The following CSNK2A2IP variants were observed in gnomAD, a reference collection of about 807,000 sequenced individuals.
CSNK2A2IP encodes the protein casein kinase 2 subunit alpha' interacting protein.
At chr3:88,387,931 T>C in the CSNK2A2IP span, among the ~76,000 whole-genome samples, 1 of 152,074 alleles carries the variant, frequency 6.6e-6, no homozygotes, top group Admixed American at 6.6e-5. Context: ...CTTGCTGTGT[T>C]GCCCAGGTTG....
chr3:88,424,445 C>G, the CSNK2A2IP span, among the ~76,000 whole-genome samples: 20,133 of 152,024 alleles, frequency 0.13, 1,770 homozygotes, highest in East Asian at 0.17. Flanking sequence ...GAGGGCAACT[C>G]AAAAGAGATA....
the CSNK2A2IP span, among the ~76,000 whole-genome samples, chr3:88,379,084 T>G: frequency 2.0e-4 from 30 of 152,188 alleles, no homozygotes; most frequent in Non-Finnish European, 3.7e-4. Flanking sequence ...TCTTTTTTTT[T>G]GTTAATGATC....
At chr3:88,345,724 C>G in the CSNK2A2IP span, among the ~76,000 whole-genome samples, 1 of 151,852 alleles carries the variant, frequency 6.6e-6, no homozygotes, top group African/African-American at 2.4e-5. Flanking sequence ...ATTCCCCCGT[C>G]TCTCTTTCTT....
the CSNK2A2IP span, among the ~76,000 whole-genome samples, chr3:88,423,409 T>TGAAG: frequency 1.3e-5 from 2 of 152,076 alleles, no homozygotes; most frequent in African/African-American, 4.8e-5. Context: ...GAAGTTGTGA[T>TGAAG]GAAGGAAGTG....
At chr3:88,362,790 C>A in the CSNK2A2IP span, among the ~76,000 whole-genome samples, 2 of 152,198 alleles carry the variant, frequency 1.3e-5, no homozygotes, top group Middle Eastern at 3.2e-3. Context: ...CTTCAGGAAT[C>A]TACCTAGTGC....
chr3:88,350,104 C>T, the CSNK2A2IP span, among the ~76,000 whole-genome samples: 3 of 152,012 alleles, frequency 2.0e-5, no homozygotes, highest in Non-Finnish European at 4.4e-5. Flanking sequence ...CTAAACACAG[C>T]CTTTTCTAGG....
chr3:88,354,748 C>T, the CSNK2A2IP span, among the ~76,000 whole-genome samples: 1 of 152,046 alleles, frequency 6.6e-6, no homozygotes, highest in African/African-American at 2.4e-5. Flanking sequence ...AGAAAAGAAA[C>T]CCCATGAGAT....
chr3:88,348,603 G>C, the CSNK2A2IP span, among the ~76,000 whole-genome samples: 1 of 152,042 alleles, frequency 6.6e-6, no homozygotes, highest in Admixed American at 6.6e-5. Context: ...AGAGTAGTGA[G>C]AACATTCAGC....
the CSNK2A2IP span, among the ~76,000 whole-genome samples, chr3:88,442,528 T>C: frequency 2.6e-5 from 4 of 152,282 alleles, no homozygotes; most frequent in African/African-American, 9.6e-5. Context: ...AGTTGTTTTA[T>C]AATAATAAGA....
chr3:88,387,281 C>T, the CSNK2A2IP span, among the ~76,000 whole-genome samples: 1 of 151,892 alleles, frequency 6.6e-6, no homozygotes, highest in African/African-American at 2.4e-5. Context: ...CCTGCCTCAG[C>T]CCCCCGAGTA....
At chr3:88,458,641 A>C in the CSNK2A2IP span, among the ~76,000 whole-genome samples, 345 of 151,740 alleles carry the variant, frequency 2.3e-3, 1 homozygote, top group African/African-American at 7.9e-3. Context: ...TTTCTTAAGG[A>C]GGAAGCTAAT....
chr3:88,456,251 A>T, the CSNK2A2IP span, among the ~76,000 whole-genome samples: 2 of 152,074 alleles, frequency 1.3e-5, no homozygotes, highest in Admixed American at 6.5e-5. Context: ...GAATTTTGAT[A>T]TGGGTTCCAG....
chr3:88,462,360 C>T, the CSNK2A2IP span, among the ~76,000 whole-genome samples: 1 of 151,990 alleles, frequency 6.6e-6, no homozygotes, highest in Admixed American at 6.6e-5. Context: ...GCATTTTCTT[C>T]CCTCACCCCA....
At chr3:88,440,359 T>C in the CSNK2A2IP span, among the ~76,000 whole-genome samples, 2 of 152,168 alleles carry the variant, frequency 1.3e-5, no homozygotes, top group Non-Finnish European at 2.9e-5. Flanking sequence ...ATTGGTAACA[T>C]ACAATAGCTT....
chr3:88,396,617 G>A, the CSNK2A2IP span, among the ~76,000 whole-genome samples: 1 of 152,194 alleles, frequency 6.6e-6, no homozygotes, highest in Non-Finnish European at 1.5e-5. Context: ...GGTTCTGAGA[G>A]ATGATCATGG....
chr3:88,370,059 G>T, the CSNK2A2IP span, among the ~76,000 whole-genome samples: 2 of 151,870 alleles, frequency 1.3e-5, no homozygotes, highest in East Asian at 3.9e-4. Flanking sequence ...ATTTCAGTTT[G>T]ATTCCAGGCA....
the CSNK2A2IP span, among the ~76,000 whole-genome samples, chr3:88,448,809 C>A: frequency 1.3e-5 from 2 of 152,252 alleles, no homozygotes; most frequent in African/African-American, 2.4e-5. Context: ...GAAATAGTTT[C>A]TAATGTATAA....
chr3:88,414,317 T>A, the CSNK2A2IP span, among the ~76,000 whole-genome samples: 7 of 133,088 alleles, frequency 5.3e-5, no homozygotes, highest in Non-Finnish European at 1.1e-4. Flanking sequence ...GGAGTCTCAC[T>A]CTGTTGCCAG....
chr3:88,355,860 G>A, the CSNK2A2IP span, among the ~76,000 whole-genome samples: 4 of 152,024 alleles, frequency 2.6e-5, no homozygotes, highest in African/African-American at 9.7e-5. Context: ...TGATGTTGGA[G>A]GAGTGTTTCA....
Sources: allele counts gnomAD v4.1 joint callset (sites outside exome capture counted in the v4.1 genomes callset), GRCh38; gene constraint gnomAD v4.1.1; transcripts MANE v1.5; gene names NCBI Gene and HGNC (gene_info 2026-07-23, HGNC 2026-07-21).